Variants in SCYL3 observed in about 807,000 individuals in gnomAD.
SCYL3 encodes SCY1 like pseudokinase 3.
SCYL3 carries 35 observed loss-of-function variants against 73.8 expected under a neutral mutation model. The observed-to-expected ratio is 0.47, with a 90% confidence interval of 0.36 to 0.63. The LOEUF is 0.63. Ranked by LOEUF, SCYL3 falls within the 20% of genes least tolerant of loss-of-function variation. The pLI is 0.00. For missense variants in SCYL3, 712 were observed against 798.9 expected (o/e 0.89, Z 1.31); for synonymous variants, 277 against 295.2 (o/e 0.94, Z 0.63).
At chr1:169,865,825 A>T (rs1051346097) in intron 8 of SCYL3, among the ~76,000 whole-genome samples, 2 of 152,110 alleles carry the variant, frequency 1.3e-5, no homozygotes, top group East Asian at 1.9e-4. Context: ...CTTTGGGAAT[A>T]TCATAGCCTT....
intron 5 of SCYL3, among the ~76,000 whole-genome samples, chr1:169,872,792 TG>T (rs1243588785): frequency 1.3e-5 from 2 of 152,196 alleles, no homozygotes; most frequent in Non-Finnish European, 2.9e-5. Context: ...ACTGCCTCAC[TG>T]GATTTCACAC....
intron 3 of SCYL3, among the ~76,000 whole-genome samples, chr1:169,876,899 G>A (rs1660872052): frequency 7.3e-6 from 1 of 136,882 alleles, no homozygotes; most frequent in African/African-American, 2.8e-5. Flanking sequence ...AGCTTGCAGT[G>A]AGCCGAGATC....
chr1:169,877,250 G>A (rs1017283994), intron 3 of SCYL3, among the ~76,000 whole-genome samples: 7 of 152,028 alleles, frequency 4.6e-5, no homozygotes, highest in African/African-American at 1.7e-4. Flanking sequence ...TGACCTCCTG[G>A]GCTCAAGCAA....
intron 2 of SCYL3, among the ~76,000 whole-genome samples, chr1:169,879,948 T>C (rs923702934): frequency 2.0e-5 from 3 of 151,854 alleles, no homozygotes; most frequent in Non-Finnish European, 4.4e-5. Flanking sequence ...TATTAACCAA[T>C]CTGAAGAATA....
chr1:169,853,920 C>T, intron 12 of SCYL3, 148 bp from the exon 13 acceptor site: 1 of 849,090 alleles, frequency 1.2e-6, no homozygotes. Context: ...AGAGCTCTAA[C>T]AGAAAGTTGA....
chr1:169,856,647 C>T (rs901017282), intron 11 of SCYL3, among the ~76,000 whole-genome samples: 3 of 152,296 alleles, frequency 2.0e-5, no homozygotes, highest in African/African-American at 7.2e-5. Flanking sequence ...ATTTGTGCCA[C>T]TATCCTCCTT....
chr1:169,885,636 G>C (rs934631952), intron 2 of SCYL3, among the ~76,000 whole-genome samples: 2 of 151,720 alleles, frequency 1.3e-5, no homozygotes, highest in African/African-American at 4.8e-5. Flanking sequence ...CTGAAGGTTA[G>C]ATCATAAACT....
At chr1:169,869,925 T>C (rs1014503803) in intron 6 of SCYL3, among the ~76,000 whole-genome samples, 3 of 152,224 alleles carry the variant, frequency 2.0e-5, no homozygotes, top group East Asian at 1.9e-4. Flanking sequence ...TCATTAATGA[T>C]AGTTATGTAC....
In SCYL3 at chr1:169,875,872, C is replaced by T. The variant is rs1242104074; in HGVS notation, c.465+106G>A. 9 of 557,028 alleles carry T rather than the reference C, an allele frequency of 1.6e-5. 1 individual carries two copies. In the East Asian group the frequency reaches 2.7e-4, roughly 17 times the overall value. The allele number at this position is 557,028 out of a possible 1,614,324, so 34.5% of individuals were successfully genotyped here. ...GGCACTGACAAAAAATTCAAGTCTC[C>T]AAATCTAAGACCAAGCTAACACTGA... On this transcript the variant is annotated intron_variant, in intron 4 of 12. Coordinates refer to ENST00000367771, the MANE Select transcript of SCYL3 (RefSeq NM_020423.7).
At chr1:169,878,864 C>T in intron 2 of SCYL3, 45 bp from the exon 3 acceptor site, 1 of 1,524,888 alleles carries the variant, frequency 6.6e-7, no homozygotes, top group Non-Finnish European at 8.9e-7. Context: ...GACCCCAAAC[C>T]AGATTATAGT....
At position 169,852,901 on chromosome 1, in the gene SCYL3, C is replaced by T; in HGVS notation, c.*812G>A. On this transcript the variant is annotated 3_prime_UTR_variant, in exon 13 of 13. Coordinates refer to ENST00000367771, the MANE Select transcript of SCYL3 (RefSeq NM_020423.7). ...AACTGAGTCACTACTCCAAAAGGGT[C>T]CTGCTCCAGCCTGGCTTTCAATGGA... 2 of 1,614,062 alleles carry T rather than the reference C, an allele frequency of 1.2e-6. No individual in the cohort carries two copies. The highest frequency in any genetic ancestry group is 1.7e-6 in the Non-Finnish European group (2 of 1,179,992).
intron 11 of SCYL3, 41 bp from the exon 12 acceptor site, chr1:169,855,005 G>T: frequency 7.2e-7 from 1 of 1,388,070 alleles, no homozygotes; most frequent in Non-Finnish European, 9.9e-7. Flanking sequence ...ACTGGTTAAA[G>T]GTAAGAACTA....
intron 1 of SCYL3, among the ~76,000 whole-genome samples, chr1:169,893,124 T>C (rs976867590): frequency 6.6e-6 from 1 of 152,210 alleles, no homozygotes; most frequent in Non-Finnish European, 1.5e-5. Context: ...TATAAGAACA[T>C]GGGTCCCTAA....
intron 9 of SCYL3, 107 bp from the exon 10 acceptor site, chr1:169,862,904 A>T: frequency 2.9e-6 from 3 of 1,029,432 alleles, no homozygotes; most frequent in Non-Finnish European, 4.3e-6. Context: ...TATTCTAAGT[A>T]CTCTTCTAAA....
Position 169,854,316 on chromosome 1 carries a change from G to C in SCYL3, c.1961C>G (p.Pro654Arg), listed in dbSNP as rs763655003. ...EMVPKKDDVS[P>R]VMQFSSKFAA... ...AAATTTTGAGGAAAACTGCATCACTGGGGAGACATCATCCTTTTTTGGGAC... is the reference window on the plus strand; with the variant it reads ...AAATTTTGAGGAAAACTGCATCACTCGGGAGACATCATCCTTTTTTGGGAC... Residue 654 changes from proline (P) to arginine (R), a missense_variant, in exon 12 of 13, where the codon CCA (proline) becomes CGA (arginine). Transcript: ENST00000367771. 6.2e-7 allele frequency: 1 copy of C among 1,612,536 alleles called. No homozygotes were observed. Among genetic ancestry groups the C allele is most frequent in the Admixed American group, 1.7e-5 (1 of 59,694 alleles).
chr1:169,890,936 A>G (rs900683037), intron 1 of SCYL3, among the ~76,000 whole-genome samples: 12 of 152,182 alleles, frequency 7.9e-5, no homozygotes, highest in Non-Finnish European at 1.3e-4. Context: ...CCAGATTGTC[A>G]CAACCTCCTG....
At chr1:169,865,772 A>C (rs1348753855) in intron 8 of SCYL3, among the ~76,000 whole-genome samples, 1 of 152,186 alleles carries the variant, frequency 6.6e-6, no homozygotes, top group Admixed American at 6.5e-5. Context: ...CTAAATGAAC[A>C]GGTACCTGTT....
intron 12 of SCYL3, 166 bp downstream of exon 12, chr1:169,854,104 G>C (rs1558111702): frequency 1.6e-6 from 1 of 608,118 alleles, no homozygotes; most frequent in East Asian, 2.9e-5. Flanking sequence ...CATTTTTCTG[G>C]GGGAAGGAAA....
Position 169,853,118 on chromosome 1 carries a change from T to TAGAG in SCYL3, c.*591_*594dup. 1.2e-6 allele frequency: 1 copy of TAGAG among 854,954 alleles called. No individual in the cohort carries two copies. Among genetic ancestry groups the TAGAG allele is most frequent in the South Asian group, 1.7e-5 (1 of 57,228 alleles). The allele number at this position is 854,954 out of a possible 1,614,324, so 53.0% of individuals were successfully genotyped here. ...GTGAAAATAATCTTTATTTGACATT[T>TAGAG]AGAGAACAGGATTGTGGGGAATATT... On this transcript the variant is annotated 3_prime_UTR_variant, in exon 13 of 13. Transcript: ENST00000367771.
Sources: gnomAD v4.1 joint callset for allele counts (sites outside exome capture counted in the v4.1 genomes callset) on GRCh38, gnomAD v4.1.1 for gene constraint, MANE v1.5 for transcripts, NCBI Gene and HGNC (gene_info 2026-07-23, HGNC 2026-07-21) for gene names.